Variants in DICER1 observed in about 807,000 individuals in gnomAD.
DICER1 encodes endoribonuclease Dicer.
A neutral mutation model predicts 194.1 loss-of-function variants in DICER1; 43 were observed. The observed-to-expected ratio is 0.22, with a 90% CI of 0.17 to 0.29. The LOEUF is 0.29. DICER1 is among the 10% of genes least tolerant of loss of function. DICER1 has a pLI of 1.00. For synonymous variants in DICER1, 832 were observed against 820.5 expected, an observed-to-expected ratio of 1.01 and a Z score of -0.24; for missense variants, 1,608 against 2,317.0, an observed-to-expected ratio of 0.69 and a Z score of 6.28.
intron 21 of DICER1, 129 bp from the exon 22 acceptor site, chr14:95,100,064 A>T: frequency 1.0e-6 from 1 of 989,698 alleles, no homozygotes; most frequent in East Asian, 2.6e-5. Context: ...TCAATTAATT[A>T]TAAGGGCTCT....
intron 1 of DICER1, among the ~76,000 whole-genome samples, chr14:95,151,484 T>A (rs1243740551): frequency 6.6e-6 from 1 of 152,232 alleles, no homozygotes; most frequent in Non-Finnish European, 1.5e-5. Flanking sequence ...CATGAGAGTT[T>A]AAGAAACTCC....
chr14:95,102,669 G>A (rs183725249), intron 21 of DICER1, among the ~76,000 whole-genome samples: 1 of 148,170 alleles, frequency 6.7e-6, no homozygotes, highest in Non-Finnish European at 1.5e-5. Context: ...GGAGGCTCAT[G>A]TTGCCTTGTG....
intron 23 of DICER1, 83 bp downstream of exon 23, chr14:95,095,742 G>C (rs1255290081): frequency 1.4e-6 from 2 of 1,427,002 alleles, no homozygotes; most frequent in African/African-American, 1.4e-5. Context: ...TACATGCATA[G>C]ATCACTTTTA....
Position 95,087,470 on chromosome 14 carries a change from C to T in DICER1, c.*3028G>A, listed in dbSNP as rs1889424845. 3 of 233,070 alleles carry T rather than the reference C, an allele frequency of 1.3e-5. No individual in the cohort carries two copies. Among genetic ancestry groups the T allele is most frequent in the African/African-American group, 2.2e-5 (1 of 45,328 alleles). 14.4% of individuals were successfully genotyped at this position (233,070 alleles called of 1,614,324 possible). ...CTATTTAAGTTGTGCGAGTATATGA[C>T]ACATTGCAGGCATTATAATTATCTT... On this transcript the variant is annotated 3_prime_UTR_variant, in exon 27 of 27. Coordinates refer to ENST00000343455, the MANE Select transcript of DICER1 (RefSeq NM_177438.3).
intron 2 of DICER1, among the ~76,000 whole-genome samples, chr14:95,132,888 T>C (rs920629842): frequency 3.9e-5 from 6 of 152,210 alleles, no homozygotes; most frequent in African/African-American, 1.4e-4. Context: ...TGTAAATACG[T>C]GTTGAAATGG....
chr14:95,099,952 T>G lies in DICER1; in HGVS notation c.4051-17A>C, dbSNP rs1890732312. On this transcript the variant is annotated splice_polypyrimidine_tract_variant and intron_variant, in intron 21 of 26. Coordinates refer to ENST00000343455, the MANE Select transcript of DICER1 (RefSeq NM_177438.3). ...GTTGCTGACCTTTAGCAGAAAATAT[T>G]AGGATACTTATCCATAAATGATCAC... The G allele has an allele frequency of 6.2e-7, 1 of 1,613,716 alleles. No individual in the cohort carries two copies. The highest frequency in any genetic ancestry group is 1.3e-5 in the African/African-American group (1 of 75,030).
At chr14:95,122,974 A>AAAGAAAAAG (rs1285147324) in intron 8 of DICER1, among the ~76,000 whole-genome samples, 229 of 145,080 alleles carry the variant, frequency 1.6e-3, no homozygotes, top group African/African-American at 5.1e-3. Context: ...AAAGAAAAAG[A>AAAGAAAAAG]AAAAAAAAAA....
intron 1 of DICER1, among the ~76,000 whole-genome samples, chr14:95,155,347 G>A (rs1167918130): frequency 6.6e-6 from 1 of 152,180 alleles, no homozygotes; most frequent in East Asian, 1.9e-4. Context: ...TTTCTCAAAT[G>A]AAACAAGCAC....
At chr14:95,156,678 C>T (rs1226115194) in intron 1 of DICER1, among the ~76,000 whole-genome samples, 2 of 152,250 alleles carry the variant, frequency 1.3e-5, no homozygotes, top group Non-Finnish European at 2.9e-5. Context: ...AAAGAATGGC[C>T]TCGGCCCCTG....
In DICER1 at chr14:95,096,046, G is replaced by A. The variant is rs864622653; in HGVS notation, c.4874C>T (p.Ser1625Phe). 1 of 1,614,240 alleles carries A rather than the reference G, an allele frequency of 6.2e-7. No homozygotes were observed. Among genetic ancestry groups the A allele is most frequent in the South Asian group, 1.1e-5 (1 of 91,088 alleles). Reference sequence around the variant, plus strand: ...TACAGAAGAGCGTGAACTGGCCACAGAAGCAGCAGCACAGCTCACTGAAAG... The same window carrying A: ...TACAGAAGAGCGTGAACTGGCCACAAAAGCAGCAGCACAGCTCACTGAAAG... ...KNLSVSCAAA[S>F]VASSRSSVLK... The change falls in exon 23 of 27, where the codon TCT becomes TTT. Residue 1625 changes from serine to phenylalanine, a missense_variant. By Grantham distance (155) the Ser-to-Phe change is radical (BLOSUM62 -2). Around this residue, in one of 10 missense-constraint regions of DICER1, gnomAD observed 125 missense variants for 134.9 expected, o/e 0.93. Coordinates refer to ENST00000343455, the MANE Select transcript of DICER1 (RefSeq NM_177438.3).
At chr14:95,103,057 T>C (rs547065629) in intron 21 of DICER1, among the ~76,000 whole-genome samples, 23 of 152,342 alleles carry the variant, frequency 1.5e-4, no homozygotes, top group African/African-American at 5.5e-4. Context: ...TGTACACACT[T>C]GCATAGCTTC....
chr14:95,141,867 A>G (rs911425140), intron 1 of DICER1: 7 of 152,184 alleles, frequency 4.6e-5, no homozygotes, highest in African/African-American at 1.2e-4. Flanking sequence ...GCAACAAGAC[A>G]ATGCATGTCT....
intron 24 of DICER1, 143 bp downstream of exon 24, chr14:95,093,745 G>A (rs975989161): frequency 2.5e-5 from 22 of 894,452 alleles, no homozygotes; most frequent in African/African-American, 1.1e-4. Context: ...CAGTTCACTC[G>A]TGCTCCCACA....
chr14:95,144,289 T>C (rs1894994022), intron 1 of DICER1, among the ~76,000 whole-genome samples: 1 of 152,098 alleles, frequency 6.6e-6, no homozygotes, highest in African/African-American at 2.4e-5. Context: ...GTAAGGCAAC[T>C]GGGGATATAG....
intron 8 of DICER1, among the ~76,000 whole-genome samples, chr14:95,122,894 A>T (rs10137733): frequency 0.028 from 4,222 of 152,150 alleles, 196 homozygotes; most frequent in African/African-American, 0.095. Flanking sequence ...TAAAACCCCT[A>T]AACATTCAGA....
intron 1 of DICER1, among the ~76,000 whole-genome samples, chr14:95,156,425 G>A (rs890773957): frequency 6.6e-6 from 1 of 152,070 alleles, no homozygotes; most frequent in African/African-American, 2.4e-5. Context: ...ACACAAATAG[G>A]ACCCTCCAAC....
In DICER1 at chr14:95,106,077, T is replaced by C. The variant is rs750932552; in HGVS notation, c.2951A>G (p.Asn984Ser). Residue 984 changes from asparagine (N) to serine (S), a missense_variant, in exon 18 of 27, where the codon AAC (asparagine) becomes AGC (serine). By Grantham distance (46) the Asn-to-Ser change is conservative. This residue lies in a region of DICER1 where 79 missense variants were observed against 176.1 expected (regional missense o/e 0.45). Transcript: ENST00000343455. ...TKYNLDLTNL[N>S]QPLLDVDHTS... ...GTGGTCCACATCCAGCAGTGGCTGGTTGAGATTGGTTAGGTCAAGGTTGTA... is the reference window on the plus strand; with the variant it reads ...GTGGTCCACATCCAGCAGTGGCTGGCTGAGATTGGTTAGGTCAAGGTTGTA... 2.6e-5 allele frequency: 42 copies of C among 1,613,822 alleles called. No individual in the cohort carries two copies. Among genetic ancestry groups the C allele is most frequent in the African/African-American group, 1.1e-4 (8 of 74,908 alleles).
intron 1 of DICER1, among the ~76,000 whole-genome samples, chr14:95,151,262 C>T (rs771785588): frequency 2.6e-5 from 4 of 152,132 alleles, no homozygotes; most frequent in Non-Finnish European, 5.9e-5. Flanking sequence ...ATAGATAATC[C>T]TCCTCGAAAA....
chr14:95,146,352 T>C lies in DICER1; in HGVS notation c.-46+10878A>G, dbSNP rs1895133419. Among the ~76,000 whole-genome samples the C allele has an allele frequency of 2.0e-5, 3 of 152,202 alleles. No homozygotes were observed. In the South Asian group the frequency reaches 6.2e-4, roughly 31 times the overall value. On this transcript the variant is annotated intron_variant, in intron 1 of 26. Coordinates refer to ENST00000343455, the MANE Select transcript of DICER1 (RefSeq NM_177438.3). ...CACTTCCCTAATTGGTTTCTTACAC[T>C]GTCAAGCCCACCTTTGAGTGGTGCT... is the stretch of plus-strand genomic sequence containing the variant.
Sources: gnomAD v4.1 joint callset for allele counts (sites outside exome capture counted in the v4.1 genomes callset) on GRCh38, gnomAD v4.1.1 for gene constraint, gnomAD v4.1.1 regional missense constraint, MANE v1.5 for transcripts, NCBI Gene and HGNC (gene_info 2026-07-23, HGNC 2026-07-21) for gene names.